The following EIF5B variants were observed in gnomAD, a reference collection of about 807,000 sequenced individuals.
The protein encoded by EIF5B is eIF-5B.
Under a neutral mutation model 147.5 loss-of-function variants are expected in EIF5B, and 47 were observed. The observed-to-expected ratio is 0.32, with a 90% CI of 0.25 to 0.41. EIF5B has a LOEUF of 0.41. Among genes scored for constraint, EIF5B ranks in the 10% least tolerant of loss-of-function variants. The pLI, the probability that EIF5B is intolerant of heterozygous loss-of-function variation, is 1.00. For synonymous variants in EIF5B, 455 were observed against 456.2 expected (o/e 1.00, Z 0.03); for missense variants, 1,064 against 1,413.2 (o/e 0.75, Z 3.96).
In EIF5B at chr2:99,381,622, C is replaced by G. The variant is rs183009966; in HGVS notation, c.2062-537C>G. Among the ~76,000 whole-genome samples, 90 of 150,442 alleles carry G rather than the reference C, an allele frequency of 6.0e-4. 1 individual carries two copies. Among genetic ancestry groups the G allele is most frequent in the Non-Finnish European group, 1.0e-3 (69 of 67,732 alleles). On this transcript the variant is annotated intron_variant, in intron 12 of 23. Transcript: ENST00000289371. Reference sequence around the variant, plus strand: ...CCAGATTAGATCTGTTGTAATGTTACTTCCATTCATTTATGTCCTTTTGTC... The same window carrying G: ...CCAGATTAGATCTGTTGTAATGTTAGTTCCATTCATTTATGTCCTTTTGTC...
intron 6 of EIF5B, 81 bp from the exon 7 acceptor site, chr2:99,368,412 T>C: frequency 9.8e-7 from 1 of 1,017,282 alleles, no homozygotes. Flanking sequence ...CTGTGGTGAA[T>C]GAAATGCTAT....
intron 12 of EIF5B, among the ~76,000 whole-genome samples, chr2:99,381,035 G>A (rs183174736): frequency 2.0e-5 from 3 of 152,188 alleles, no homozygotes; most frequent in African/African-American, 2.4e-5. Flanking sequence ...GCCTATGATC[G>A]TTTTACATCT....
chr2:99,362,430 C>T (rs1055600367), intron 4 of EIF5B, among the ~76,000 whole-genome samples: 6 of 152,180 alleles, frequency 3.9e-5, no homozygotes, highest in African/African-American at 9.6e-5. Flanking sequence ...TTGGGCTGGG[C>T]GCGGTGGTTC....
intron 10 of EIF5B, among the ~76,000 whole-genome samples, chr2:99,377,217 T>A (rs1365124756): frequency 1.3e-5 from 2 of 152,158 alleles, no homozygotes; most frequent in South Asian, 2.1e-4. Flanking sequence ...AGCTAAAAAC[T>A]ATTTTAGCTT....
intron 14 of EIF5B, among the ~76,000 whole-genome samples, chr2:99,384,646 A>G (rs1584647): frequency 0.44 from 66,480 of 152,116 alleles, 14,812 homozygotes; most frequent in Admixed American, 0.57. Flanking sequence ...AAATATAAAC[A>G]TTGATAGGAG....
At position 99,361,070 on chromosome 2, in the gene EIF5B, A is replaced by G. The variant is rs866959559; in HGVS notation, c.247-78A>G. 1.5e-5 allele frequency: 18 copies of G among 1,222,800 alleles called. No individual in the cohort carries two copies. The South Asian group carries it at 3.7e-4, about 25-fold the overall frequency. The allele number at this position is 1,222,800 out of a possible 1,614,324, so 75.7% of individuals were successfully genotyped here. A position where few individuals can be genotyped will look rare whatever the true frequency, so the allele number is the denominator to read the frequency against. On this transcript the variant is annotated intron_variant, in intron 3 of 23. Coordinates refer to ENST00000289371, the MANE Select transcript of EIF5B (RefSeq NM_015904.4). ...GAAATCATTTTGAGATTTTTAAAAA[A>G]TGTTTACTTAATGAAGCACATGACT... is the stretch of plus-strand genomic sequence containing the variant.
intron 1 of EIF5B, among the ~76,000 whole-genome samples, chr2:99,343,128 G>A (rs1259717409): frequency 6.6e-6 from 1 of 151,528 alleles, no homozygotes; most frequent in African/African-American, 2.4e-5. Context: ...GCTAATTTTT[G>A]TATTTTTAGT....
At chr2:99,355,472 A>G (rs960424438) in intron 1 of EIF5B, among the ~76,000 whole-genome samples, 2 of 152,066 alleles carry the variant, frequency 1.3e-5, no homozygotes, top group African/African-American at 4.8e-5. Context: ...TTTCATAAGC[A>G]TTTTGTAATT....
intron 6 of EIF5B, among the ~76,000 whole-genome samples, chr2:99,367,337 T>G (rs920527464): frequency 8.6e-5 from 13 of 151,616 alleles, no homozygotes; most frequent in African/African-American, 3.1e-4. Flanking sequence ...GGGCAAAAGG[T>G]ATCAACAGAC....
In EIF5B at chr2:99,401,307, G is replaced by A; in HGVS notation, c.*1893G>A. 1.2e-6 allele frequency: 2 copies of A among 1,613,802 alleles called. No homozygotes were observed. The highest frequency in any genetic ancestry group is 1.7e-5 in the Admixed American group (1 of 60,002). On this transcript the variant is annotated 3_prime_UTR_variant, in exon 24 of 24. Transcript: ENST00000289371. ...CCACCTGGACATTGTCAAGAATAAA[G>A]TCAAATGCCATATTCCAAACCGATT...
chr2:99,380,206 A>AC (rs1553536118), intron 12 of EIF5B, among the ~76,000 whole-genome samples: 2 of 150,330 alleles, frequency 1.3e-5, no homozygotes, highest in Admixed American at 1.3e-4. Context: ...GGCCAATATG[A>AC]TTTTTTTTTT....
Position 99,364,429 on chromosome 2 carries a change from G to A in EIF5B, c.1288+8G>A. ...AACTGCTACAAGCTCAGGGTGAGTG[G>A]TACTCTTCATTAACTGAATGGTCAG... On this transcript the variant is annotated splice_region_variant and intron_variant, in intron 6 of 23. Transcript: ENST00000289371. 2 of 1,578,548 alleles carry A rather than the reference G, an allele frequency of 1.3e-6. No individual in the cohort carries two copies. Among genetic ancestry groups the A allele is most frequent in the Non-Finnish European group, 1.7e-6 (2 of 1,168,468 alleles).
At chr2:99,379,974 ATCTCT>A (rs914695325) in intron 12 of EIF5B, among the ~76,000 whole-genome samples, 9 of 152,168 alleles carry the variant, frequency 5.9e-5, no homozygotes, top group Non-Finnish European at 1.0e-4. Flanking sequence ...CCAATCAAAG[ATCTCT>A]TCTCCAGCCA....
At chr2:99,362,298 A>AT (rs538377470) in intron 4 of EIF5B, among the ~76,000 whole-genome samples, 3 of 152,194 alleles carry the variant, frequency 2.0e-5, no homozygotes, top group Non-Finnish European at 4.4e-5. Flanking sequence ...ATAATGAGCC[A>AT]TTTTTTTAAC....
chr2:99,366,002 A>G lies in EIF5B; in HGVS notation c.1288+1581A>G, dbSNP rs6650787. 2.3e-3 allele frequency among the ~76,000 whole-genome samples: 349 copies of G among 152,316 alleles called. 2 individuals carry two copies. The highest frequency in any genetic ancestry group is 7.9e-3 in the African/African-American group (328 of 41,572). ...AAATGTACTCTCAGAGAGTGTAGGC[A>G]TCTGCAGGTGTCTTCATATAATTGC... On this transcript the variant is annotated intron_variant, in intron 6 of 23. Coordinates refer to ENST00000289371, the MANE Select transcript of EIF5B (RefSeq NM_015904.4).
rs745950149 is a variant in EIF5B, at chr2:99,364,277, T to C, written c.1144T>C (p.Leu382=). ...GACATGTACTCTTTTATAGGAACGA[T>C]TGGAACAAGAAAAAAGAGAAAGGAA... The part of the protein sequence containing the change: ...LEAKRKEEER[L]EQEKRERKKQ... The change falls in exon 6 of 24, where the codon TTG becomes CTG. Residue 382 remains leucine (L), a synonymous_variant. Coordinates refer to ENST00000289371, the MANE Select transcript of EIF5B (RefSeq NM_015904.4). 10 of 1,593,292 alleles carry C rather than the reference T, an allele frequency of 6.3e-6. No homozygotes were observed. In the African/African-American group the frequency reaches 8.2e-5, roughly 13 times the overall value.
At chr2:99,342,290 A>G (rs543512344) in intron 1 of EIF5B, among the ~76,000 whole-genome samples, 7 of 152,110 alleles carry the variant, frequency 4.6e-5, no homozygotes, top group South Asian at 2.1e-4. Context: ...ATTGATTTCA[A>G]TTGGGAGTCC....
At chr2:99,385,246 A>G (rs560785464) in intron 14 of EIF5B, among the ~76,000 whole-genome samples, 37 of 152,224 alleles carry the variant, frequency 2.4e-4, no homozygotes, top group African/African-American at 8.9e-4. Flanking sequence ...GGGTTTCTCC[A>G]TGTTGGTCAG....
chr2:99,388,566 T>C (rs1674857135), intron 14 of EIF5B, among the ~76,000 whole-genome samples: 2 of 152,354 alleles, frequency 1.3e-5, no homozygotes, highest in South Asian at 4.1e-4. Flanking sequence ...TTCCTGCGTA[T>C]GTAGAGATGT....
Sources: allele counts gnomAD v4.1 joint callset (sites outside exome capture counted in the v4.1 genomes callset), GRCh38; gene constraint gnomAD v4.1.1; transcripts MANE v1.5; gene names NCBI Gene and HGNC (gene_info 2026-07-23, HGNC 2026-07-21).